NLGN1: variants seen among roughly 807,000 people sequenced by gnomAD.
NLGN1 encodes the protein neuroligin-1.
NLGN1 carries 12 observed loss-of-function variants against 65.5 expected under a neutral mutation model. That is an observed-to-expected ratio of 0.18 (90% confidence interval 0.12 to 0.30). NLGN1 has a LOEUF of 0.30. Among genes scored for constraint, NLGN1 ranks in the 10% least tolerant of loss-of-function variants. The pLI is 1.00. For missense variants in NLGN1, 750 were observed against 1,007.1 expected, an observed-to-expected ratio of 0.74 and a Z score of 3.46; for synonymous variants, 350 against 359.5, an observed-to-expected ratio of 0.97 and a Z score of 0.30.
At chr3:174,254,550 A>T (rs1745331435) in intron 4 of NLGN1, among the ~76,000 whole-genome samples, 1 of 151,988 alleles carries the variant, frequency 6.6e-6, no homozygotes, top group Non-Finnish European at 1.5e-5. Flanking sequence ...TTATGCCCAT[A>T]ATCATGGATA....
intron 3 of NLGN1, among the ~76,000 whole-genome samples, chr3:173,714,043 G>T (rs1251880170): frequency 6.6e-6 from 1 of 152,096 alleles, no homozygotes. Flanking sequence ...ATGTTTGAAT[G>T]CAAAGTGTAA....
chr3:173,677,164 G>A (rs1024910355), intron 3 of NLGN1, among the ~76,000 whole-genome samples: 1 of 152,030 alleles, frequency 6.6e-6, no homozygotes, highest in Non-Finnish European at 1.5e-5. Context: ...CTTGGCAGCT[G>A]TAGAGTGAAG....
At chr3:174,192,684 G>A (rs556166571) in intron 4 of NLGN1, among the ~76,000 whole-genome samples, 15 of 152,184 alleles carry the variant, frequency 9.9e-5, no homozygotes, top group African/African-American at 3.6e-4. Flanking sequence ...ATAAGCTCTT[G>A]GGGCTAGTTA....
At chr3:173,492,903 T>C (rs947580179) in intron 2 of NLGN1, among the ~76,000 whole-genome samples, 1 of 151,716 alleles carries the variant, frequency 6.6e-6, no homozygotes, top group Non-Finnish European at 1.5e-5. Flanking sequence ...ACTTGGGAAA[T>C]ATTAGTATCT....
intron 3 of NLGN1, among the ~76,000 whole-genome samples, chr3:173,764,557 C>T (rs1248338353): frequency 1.3e-5 from 2 of 152,128 alleles, no homozygotes; most frequent in Non-Finnish European, 2.9e-5. Flanking sequence ...TATATCTCAG[C>T]TTATTTTTCA....
intron 4 of NLGN1, among the ~76,000 whole-genome samples, chr3:173,818,681 TG>T (rs1389905302): frequency 6.6e-6 from 1 of 152,090 alleles, no homozygotes; most frequent in African/African-American, 2.4e-5. Context: ...CGGGTAACCT[TG>T]GAACTTTGCA....
At chr3:173,441,033 T>C (rs976303958) in intron 2 of NLGN1, among the ~76,000 whole-genome samples, 42 of 152,194 alleles carry the variant, frequency 2.8e-4, no homozygotes, top group African/African-American at 9.9e-4. Context: ...CTGCTTCACC[T>C]TGCACTTTTA....
At chr3:173,645,737 G>T (rs1452060746) in intron 3 of NLGN1, among the ~76,000 whole-genome samples, 1 of 152,194 alleles carries the variant, frequency 6.6e-6, no homozygotes, top group Non-Finnish European at 1.5e-5. Flanking sequence ...CAGTATTAGA[G>T]ACTCATGGAG....
At chr3:173,802,718 T>C (rs1016478901) in intron 3 of NLGN1, among the ~76,000 whole-genome samples, 3 of 152,166 alleles carry the variant, frequency 2.0e-5, no homozygotes, top group African/African-American at 4.8e-5. Flanking sequence ...AGATCACTTA[T>C]GTGAAATTCC....
intron 3 of NLGN1, among the ~76,000 whole-genome samples, chr3:173,718,038 A>G (rs1316905093): frequency 4.6e-5 from 7 of 152,126 alleles, no homozygotes; most frequent in Non-Finnish European, 8.8e-5. Flanking sequence ...ACAACTATAC[A>G]TATATACGGG....
At chr3:173,776,603 G>A (rs1780333856) in intron 3 of NLGN1, among the ~76,000 whole-genome samples, 1 of 151,966 alleles carries the variant, frequency 6.6e-6, no homozygotes, top group Admixed American at 6.6e-5. Context: ...GCCTTTGCAT[G>A]TCACATTTCC....
At chr3:173,830,729 A>G (rs1722362926) in intron 4 of NLGN1, among the ~76,000 whole-genome samples, 1 of 152,328 alleles carries the variant, frequency 6.6e-6, no homozygotes, top group African/African-American at 2.4e-5. Flanking sequence ...AGTGTTATTC[A>G]TATATTACGT....
chr3:174,265,514 G>T (rs2152866271), intron 4 of NLGN1, among the ~76,000 whole-genome samples: 1 of 152,070 alleles, frequency 6.6e-6, no homozygotes, highest in Middle Eastern at 3.4e-3. Flanking sequence ...TCCCAAGTGA[G>T]GCAATGCCTC....
In NLGN1 at chr3:174,238,106, G is replaced by A. The variant is rs75897463; in HGVS notation, c.647-37209G>A. Among the ~76,000 whole-genome samples the A allele has an allele frequency of 6.0e-3, 919 of 152,222 alleles. 8 individuals carry two copies. The highest frequency in any genetic ancestry group is 0.021 in the African/African-American group (864 of 41,526). On this transcript the variant is annotated intron_variant, in intron 4 of 6. Transcript: ENST00000457714. ...TTTTCATACTAGGCCACTGGAATAA[G>A]GACAGTTCTTTTCACCTCTATACTC...
chr3:173,479,445 G>C (rs1286127111), intron 2 of NLGN1, among the ~76,000 whole-genome samples: 1 of 152,184 alleles, frequency 6.6e-6, no homozygotes, highest in Non-Finnish European at 1.5e-5. Context: ...GGATACAAAG[G>C]AGCCTAGTTA....
At chr3:173,951,819 A>G (rs891090777) in intron 4 of NLGN1, among the ~76,000 whole-genome samples, 4 of 152,108 alleles carry the variant, frequency 2.6e-5, no homozygotes, top group African/African-American at 9.7e-5. Context: ...TGTCCTCCAA[A>G]TAGTAAAATC....
intron 4 of NLGN1, among the ~76,000 whole-genome samples, chr3:174,190,512 T>G (rs955814848): frequency 6.6e-6 from 1 of 152,072 alleles, no homozygotes; most frequent in African/African-American, 2.4e-5. Context: ...AATATTACAC[T>G]TATTGATACA....
chr3:173,413,082 C>G (rs936586972), intron 1 of NLGN1, among the ~76,000 whole-genome samples: 1 of 151,982 alleles, frequency 6.6e-6, no homozygotes, highest in Admixed American at 6.6e-5. Flanking sequence ...TCTCTTTCTG[C>G]CTTGCCCACC....
intron 4 of NLGN1, among the ~76,000 whole-genome samples, chr3:174,272,614 C>T (rs1194172558): frequency 6.6e-6 from 1 of 151,162 alleles, no homozygotes; most frequent in Non-Finnish European, 1.5e-5. Flanking sequence ...CCTCTAAATT[C>T]ACTCTAATGA....
Sources: allele counts gnomAD v4.1 joint callset (sites outside exome capture counted in the v4.1 genomes callset), GRCh38; gene constraint gnomAD v4.1.1; transcripts MANE v1.5; gene names NCBI Gene and HGNC (gene_info 2026-07-23, HGNC 2026-07-21).